The following AMOTL1 variants were observed in gnomAD, a reference collection of about 807,000 sequenced individuals.
AMOTL1 encodes angiomotin-like protein 1.
Under a neutral mutation model 102.9 loss-of-function variants are expected in AMOTL1, and 45 were observed. The ratio of observed to expected loss-of-function variants is 0.44; its 90% confidence interval spans 0.34 to 0.56. AMOTL1 has a LOEUF of 0.56. Ranked by LOEUF, AMOTL1 falls within the 20% of genes least tolerant of loss-of-function variation. The pLI, the probability that AMOTL1 is intolerant of heterozygous loss-of-function variation, is 0.01. For synonymous variants in AMOTL1, 481 were observed against 484.7 expected (o/e 0.99, Z 0.10); for missense variants, 1,114 against 1,225.6 (o/e 0.91, Z 1.36).
At chr11:94,711,421 G>A (rs4753613) in intron 1 of AMOTL1, among the ~76,000 whole-genome samples, 126 of 151,890 alleles carry the variant, frequency 8.3e-4, no homozygotes, top group African/African-American at 2.7e-3. Context: ...ACATTGGTAC[G>A]ATCCACAGAC....
At chr11:94,751,229 AT>A (rs200703381) in intron 3 of AMOTL1, among the ~76,000 whole-genome samples, 14 of 151,878 alleles carry the variant, frequency 9.2e-5, no homozygotes, top group African/African-American at 3.1e-4. Context: ...ATATATATAT[AT>A]TTTTTTTATT....
rs767902856 is a variant in AMOTL1 at position 94,768,506 on chromosome 11, C to A, written c.-6C>A. On this transcript the variant is annotated 5_prime_UTR_variant, in exon 1 of 13. Transcript: ENST00000433060. ...GCCGAGGGACTGAACTAGCCATGAT[C>A]GCCTCATGTGGAGGGCAAAGTTGCG... The A allele has an allele frequency of 3.2e-5, 51 of 1,599,004 alleles. No homozygotes were observed. In the Middle Eastern group the frequency reaches 4.9e-4, roughly 15 times the overall value.
chr11:94,836,160 C>CA (rs1230236007), intron 6 of AMOTL1, among the ~76,000 whole-genome samples: 1 of 152,098 alleles, frequency 6.6e-6, no homozygotes, highest in Non-Finnish European at 1.5e-5. Context: ...ATGACATAAA[C>CA]ATTTATTCTG....
chr11:94,777,180 C>CATTT (rs1951037748), intron 1 of AMOTL1, among the ~76,000 whole-genome samples: 1 of 152,102 alleles, frequency 6.6e-6, no homozygotes, highest in African/African-American at 2.4e-5. Flanking sequence ...ATCACACAAC[C>CATTT]ATTTATACAA....
At chr11:94,762,835 AT>A (rs1360147136) in intron 3 of AMOTL1, among the ~76,000 whole-genome samples, 1 of 152,170 alleles carries the variant, frequency 6.6e-6, no homozygotes, top group Non-Finnish European at 1.5e-5. Context: ...ATTAGGTAAT[AT>A]GCTTACAGGA....
chr11:94,837,520 A>G (rs892721967), intron 6 of AMOTL1, among the ~76,000 whole-genome samples: 7 of 152,230 alleles, frequency 4.6e-5, no homozygotes, highest in Admixed American at 2.6e-4. Context: ...AAAGCAAAGC[A>G]TGTGAGTGCT....
chr11:94,829,614 C>T (rs1209830587), intron 4 of AMOTL1, among the ~76,000 whole-genome samples: 1 of 152,160 alleles, frequency 6.6e-6, no homozygotes, highest in Non-Finnish European at 1.5e-5. Context: ...AGAAGTGTCT[C>T]TGGAAAGTGC....
intron 3 of AMOTL1, among the ~76,000 whole-genome samples, chr11:94,749,479 A>G (rs1353235610): frequency 6.6e-6 from 1 of 152,188 alleles, no homozygotes; most frequent in Non-Finnish European, 1.5e-5. Context: ...ACACCCAGAA[A>G]TAATGCATTG....
intron 1 of AMOTL1, among the ~76,000 whole-genome samples, chr11:94,724,076 T>C (rs1360252442): frequency 6.6e-6 from 1 of 152,120 alleles, no homozygotes; most frequent in Non-Finnish European, 1.5e-5. Flanking sequence ...ACGGAGATCT[T>C]AAGTATTTCT....
At position 94,865,998 on chromosome 11, in the gene AMOTL1, A is replaced by C. The variant is rs1434241384; in HGVS notation, c.2318A>C (p.Gln773Pro). 6.2e-7 allele frequency: 1 copy of C among 1,614,004 alleles called. No individual in the cohort carries two copies. Among genetic ancestry groups the C allele is most frequent in the African/African-American group, 1.3e-5 (1 of 75,056 alleles). The change falls in exon 11 of 13, where the codon CAG (glutamine) becomes CCG (proline). Residue 773 changes from glutamine (Q) to proline (P), a missense_variant. Coordinates refer to ENST00000433060, the MANE Select transcript of AMOTL1 (RefSeq NM_130847.3). Reference sequence around the variant, plus strand: ...AAAGATGCTATGATTAAGGTCCTGCAGCAGCGATCTCGTAAAGATGCCGGG... The same window carrying C: ...AAAGATGCTATGATTAAGGTCCTGCCGCAGCGATCTCGTAAAGATGCCGGG... ...IEKDAMIKVL[Q>P]QRSRKDAGKT... is the part of the protein sequence containing the mutation.
chr11:94,852,145 C>A (rs1479045134), intron 7 of AMOTL1, among the ~76,000 whole-genome samples: 1 of 152,144 alleles, frequency 6.6e-6, no homozygotes, highest in East Asian at 1.9e-4. Context: ...GCTGCAGGAA[C>A]CTTCACTTAG....
intron 1 of AMOTL1, among the ~76,000 whole-genome samples, chr11:94,719,738 T>C (rs1950148648): frequency 2.0e-5 from 3 of 152,244 alleles, no homozygotes; most frequent in Admixed American, 2.0e-4. Context: ...TCACTACGTA[T>C]TCTTTAAAAA....
intron 4 of AMOTL1, among the ~76,000 whole-genome samples, chr11:94,826,655 C>A (rs956129206): frequency 1.3e-5 from 2 of 152,298 alleles, no homozygotes; most frequent in South Asian, 2.1e-4. Flanking sequence ...TCTAGTCTTA[C>A]TACTGCGAGA....
At chr11:94,720,373 GA>G (rs1950157261) in intron 1 of AMOTL1, among the ~76,000 whole-genome samples, 1 of 152,122 alleles carries the variant, frequency 6.6e-6, no homozygotes, top group Non-Finnish European at 1.5e-5. Flanking sequence ...CAGAAGCCCA[GA>G]CTGTGGCTGG....
At chr11:94,783,526 T>C (rs960672795) in intron 1 of AMOTL1, among the ~76,000 whole-genome samples, 4 of 152,204 alleles carry the variant, frequency 2.6e-5, no homozygotes, top group African/African-American at 9.7e-5. Context: ...GGAGAAGTTC[T>C]GTTGCTTTAG....
chr11:94,709,386 G>T (rs1949984806), intron 1 of AMOTL1, among the ~76,000 whole-genome samples: 1 of 151,908 alleles, frequency 6.6e-6, no homozygotes, highest in South Asian at 2.1e-4. Flanking sequence ...TCCTTAATTT[G>T]CAGTGTTTGC....
intron 2 of AMOTL1, among the ~76,000 whole-genome samples, chr11:94,798,203 A>G (rs919799939): frequency 2.0e-5 from 3 of 152,222 alleles, no homozygotes; most frequent in South Asian, 2.1e-4. Flanking sequence ...GGGAATTACT[A>G]TCTACCTCTT....
intron 6 of AMOTL1, among the ~76,000 whole-genome samples, chr11:94,832,797 T>C (rs1053381292): frequency 1.1e-4 from 17 of 152,264 alleles, no homozygotes; most frequent in African/African-American, 4.1e-4. Flanking sequence ...CTAGGTATAG[T>C]TAGTGTCTTT....
chr11:94,842,404 C>T (rs932307981), intron 6 of AMOTL1, among the ~76,000 whole-genome samples: 3 of 152,112 alleles, frequency 2.0e-5, no homozygotes, highest in African/African-American at 7.2e-5. Context: ...CTCAAAAGAA[C>T]CCCCACCTCA....
Sources: allele counts gnomAD v4.1 joint callset (sites outside exome capture counted in the v4.1 genomes callset), GRCh38; gene constraint gnomAD v4.1.1; transcripts MANE v1.5; gene names NCBI Gene and HGNC (gene_info 2026-07-23, HGNC 2026-07-21).